The following PLCXD3 variants were observed in gnomAD, a reference collection of about 807,000 sequenced individuals.
PLCXD3 encodes the protein phosphatidylinositol specific phospholipase C X domain containing 3.
PLCXD3 carries 19 observed loss-of-function variants against 25.5 expected under a neutral mutation model. The observed-to-expected ratio is 0.75, with a 90% CI of 0.52 to 1.09. The LOEUF (loss-of-function observed/expected upper bound fraction) is 1.09. Among genes scored for constraint, PLCXD3 ranks in the 50% least tolerant of loss-of-function variants. The pLI is 0.00. For synonymous variants in PLCXD3, 174 were observed against 137.6 expected (o/e 1.26, Z -1.85); for missense variants, 411 against 388.1 (o/e 1.06, Z -0.50).
intron 2 of PLCXD3, among the ~76,000 whole-genome samples, chr5:41,329,284 C>G (rs1463365070): frequency 6.6e-6 from 1 of 152,174 alleles, no homozygotes; most frequent in Non-Finnish European, 1.5e-5. Flanking sequence ...AAACACTAGT[C>G]AGAATTGTAA....
At chr5:41,489,125 T>C (rs888766480) in intron 1 of PLCXD3, among the ~76,000 whole-genome samples, 1 of 152,184 alleles carries the variant, frequency 6.6e-6, no homozygotes, top group Admixed American at 6.5e-5. Context: ...AAGGAAGGGA[T>C]CCAGTTTCAG....
intron 1 of PLCXD3, among the ~76,000 whole-genome samples, chr5:41,443,499 A>G (rs1450512677): frequency 2.0e-5 from 3 of 152,204 alleles, no homozygotes; most frequent in Non-Finnish European, 4.4e-5. Flanking sequence ...AAATGAAATA[A>G]CATGTTATTA....
intron 1 of PLCXD3, among the ~76,000 whole-genome samples, chr5:41,419,580 C>T (rs1746772063): frequency 6.6e-6 from 1 of 152,030 alleles, no homozygotes; most frequent in African/African-American, 2.4e-5. Flanking sequence ...GGTTTTTCCC[C>T]CAGAGATAGC....
chr5:41,458,653 G>A (rs1747807701), intron 1 of PLCXD3, among the ~76,000 whole-genome samples: 1 of 151,930 alleles, frequency 6.6e-6, no homozygotes, highest in Non-Finnish European at 1.5e-5. Context: ...TGACACTAAT[G>A]CTAAAATCCC....
At chr5:41,445,674 A>G (rs1747477724) in intron 1 of PLCXD3, among the ~76,000 whole-genome samples, 1 of 152,200 alleles carries the variant, frequency 6.6e-6, no homozygotes, top group Non-Finnish European at 1.5e-5. Context: ...TTTGAGAAAG[A>G]GGGAACAAGG....
chr5:41,407,609 T>G (rs1746390381), intron 1 of PLCXD3, among the ~76,000 whole-genome samples: 1 of 152,198 alleles, frequency 6.6e-6, no homozygotes, highest in Non-Finnish European at 1.5e-5. Context: ...AGATTTTATG[T>G]CATTAAAGAC....
intron 1 of PLCXD3, among the ~76,000 whole-genome samples, chr5:41,407,285 T>C (rs1244975022): frequency 6.6e-6 from 1 of 152,146 alleles, no homozygotes; most frequent in Non-Finnish European, 1.5e-5. Context: ...ACTGAGGAGA[T>C]AAAATACACA....
At chr5:41,335,355 C>T (rs1231166102) in intron 2 of PLCXD3, among the ~76,000 whole-genome samples, 1 of 152,094 alleles carries the variant, frequency 6.6e-6, no homozygotes, top group African/African-American at 2.4e-5. Flanking sequence ...CTTAAGAGTT[C>T]TGGATCTAGT....
rs150138848 is a variant in PLCXD3 at position 41,452,238 on chromosome 5, A to G, written c.103+58186T>C. ...TCTTCTTTTCATTCTCCTTAGTCCT[A>G]TACCATCAGGATTTCAAATGTGCAG... On this transcript the variant is annotated intron_variant, in intron 1 of 2. Transcript: ENST00000377801. Among the ~76,000 whole-genome samples the G allele has an allele frequency of 1.8e-3, 274 of 152,160 alleles. 2 individuals carry two copies. Among genetic ancestry groups the G allele is most frequent in the African/African-American group, 6.4e-3 (265 of 41,538 alleles).
At chr5:41,463,965 A>G (rs908351068) in intron 1 of PLCXD3, among the ~76,000 whole-genome samples, 6 of 151,994 alleles carry the variant, frequency 3.9e-5, no homozygotes, top group African/African-American at 4.8e-5. Flanking sequence ...TGTAAATATT[A>G]TATTAACAAT....
chr5:41,389,359 T>C (rs1745738676), intron 1 of PLCXD3, among the ~76,000 whole-genome samples: 1 of 152,096 alleles, frequency 6.6e-6, no homozygotes, highest in Non-Finnish European at 1.5e-5. Flanking sequence ...GATTTAGCAG[T>C]GTGAGAGTAA....
rs1297325417 is a variant in PLCXD3 at position 41,308,235 on chromosome 5, A to G, written c.*5382T>C. Reference sequence around the variant, plus strand: ...TGTGGATAGAATTGTGAGATTTAGGAAAAAATATATAGGACATACCCAGTT... The same window carrying G: ...TGTGGATAGAATTGTGAGATTTAGGGAAAAATATATAGGACATACCCAGTT... On this transcript the variant is annotated 3_prime_UTR_variant, in exon 3 of 3. Coordinates refer to ENST00000377801, the MANE Select transcript of PLCXD3 (RefSeq NM_001005473.3). 1.3e-5 allele frequency: 2 copies of G among 152,162 alleles called. No individual in the cohort carries two copies. Among genetic ancestry groups the G allele is most frequent in the African/African-American group, 4.8e-5 (2 of 41,446 alleles). The allele number at this position is 152,162 out of a possible 1,614,324, so 9.4% of individuals were successfully genotyped here.
chr5:41,368,734 C>G (rs1580329273), intron 2 of PLCXD3, among the ~76,000 whole-genome samples: 1 of 152,054 alleles, frequency 6.6e-6, no homozygotes, highest in Non-Finnish European at 1.5e-5. Context: ...TTATTGAGAG[C>G]TTTTATCATG....
At chr5:41,493,948 C>G (rs1748773366) in intron 1 of PLCXD3, among the ~76,000 whole-genome samples, 2 of 152,230 alleles carry the variant, frequency 1.3e-5, no homozygotes, top group African/African-American at 4.8e-5. Flanking sequence ...ACCCACTGTC[C>G]TGCGCCCACT....
intron 2 of PLCXD3, among the ~76,000 whole-genome samples, chr5:41,381,625 C>T (rs1745463748): frequency 6.6e-6 from 1 of 152,050 alleles, no homozygotes; most frequent in African/African-American, 2.4e-5. Flanking sequence ...ACCCTGCTGA[C>T]ATTGATTTCA....
chr5:41,422,462 C>T (rs1257364654), intron 1 of PLCXD3, among the ~76,000 whole-genome samples: 1 of 152,050 alleles, frequency 6.6e-6, no homozygotes, highest in Non-Finnish European at 1.5e-5. Context: ...CTTTTTACTA[C>T]CTTAGTCCAA....
chr5:41,437,109 C>A (rs1289624193), intron 1 of PLCXD3, among the ~76,000 whole-genome samples: 1 of 152,150 alleles, frequency 6.6e-6, no homozygotes, highest in Non-Finnish European at 1.5e-5. Flanking sequence ...TTCCTCTTAT[C>A]TTTTATTTAA....
intron 1 of PLCXD3, among the ~76,000 whole-genome samples, chr5:41,453,871 A>G (rs961839323): frequency 8.5e-5 from 13 of 152,090 alleles, no homozygotes; most frequent in Admixed American, 3.9e-4. Context: ...CTTGAGGGCC[A>G]TGGTTCAACT....
chr5:41,348,793 T>C (rs1417184125), intron 2 of PLCXD3, among the ~76,000 whole-genome samples: 1 of 152,094 alleles, frequency 6.6e-6, no homozygotes, highest in African/African-American at 2.4e-5. Flanking sequence ...GCTGATACCA[T>C]GACTGCTTGG....
Sources: gnomAD v4.1 joint callset for allele counts (sites outside exome capture counted in the v4.1 genomes callset) on GRCh38, gnomAD v4.1.1 for gene constraint, MANE v1.5 for transcripts, NCBI Gene and HGNC (gene_info 2026-07-23, HGNC 2026-07-21) for gene names.